ZNF229: variants seen among roughly 807,000 people sequenced by gnomAD.
ZNF229 encodes the protein zinc finger protein 229.
ZNF229 carries 10 observed loss-of-function variants against 11.8 expected under a neutral mutation model. That is an observed-to-expected ratio of 0.85 (90% CI 0.52 to 1.44). ZNF229 has a LOEUF of 1.44. ZNF229 is among the 40% of genes most tolerant of loss of function. ZNF229 has a pLI of 0.00. For synonymous variants in ZNF229, 368 were observed against 374.8 expected, an observed-to-expected ratio of 0.98 and a Z score of 0.21; for missense variants, 1,045 against 1,015.1, an observed-to-expected ratio of 1.03 and a Z score of -0.40.
intron 4 of ZNF229, among the ~76,000 whole-genome samples, chr19:44,433,205 G>A (rs966005336): frequency 8.5e-5 from 13 of 152,054 alleles, no homozygotes; most frequent in African/African-American, 2.2e-4. Flanking sequence ...CTACAGGCAC[G>A]CACCACCACA....
Position 44,442,878 on chromosome 19 carries a change from C to G in ZNF229, c.-31G>C, listed in dbSNP as rs746561838. ...CTTCTGCTAGGTTCTCTGCGAGCAG[C>G]AGCAACTGTATTTATTCTCTGGTTT... On this transcript the variant is annotated 5_prime_UTR_variant, in exon 3 of 6. Transcript: ENST00000614049. 2.5e-6 allele frequency: 4 copies of G among 1,612,544 alleles called. No individual in the cohort carries two copies. The highest frequency in any genetic ancestry group is 1.7e-5 in the Admixed American group (1 of 59,866).
intron 4 of ZNF229, among the ~76,000 whole-genome samples, chr19:44,438,929 C>G (rs1971860463): frequency 6.6e-6 from 1 of 152,200 alleles, no homozygotes; most frequent in South Asian, 2.1e-4. Flanking sequence ...GTTCTGTGAG[C>G]TGCTCTAGCA....
intron 4 of ZNF229, among the ~76,000 whole-genome samples, chr19:44,434,912 T>C (rs1245809515): frequency 6.6e-6 from 1 of 152,064 alleles, no homozygotes; most frequent in South Asian, 2.1e-4. Flanking sequence ...AATTGAATCA[T>C]GGGGGGTGGG....
At chr19:44,433,814 TG>T (rs1971766515) in intron 4 of ZNF229, among the ~76,000 whole-genome samples, 1 of 152,152 alleles carries the variant, frequency 6.6e-6, no homozygotes, top group African/African-American at 2.4e-5. Context: ...TTGCCCAGGC[TG>T]GAGTGCAGTG....
At chr19:44,431,659 C>G in intron 5 of ZNF229, 1 of 611,724 alleles carries the variant, frequency 1.6e-6, no homozygotes, top group South Asian at 7.3e-5. Context: ...CCAACAGTAC[C>G]CACAGGCAAG....
At chr19:44,446,345 T>C (rs893642376) in intron 2 of ZNF229, among the ~76,000 whole-genome samples, 25 of 152,230 alleles carry the variant, frequency 1.6e-4, no homozygotes, top group African/African-American at 6.0e-4. Context: ...ATTGCAGCTC[T>C]AGTTTCTCAA....
At chr19:44,430,628 G>C in intron 5 of ZNF229, 86 bp from the exon 6 acceptor site, 1 of 1,289,116 alleles carries the variant, frequency 7.8e-7, no homozygotes, top group South Asian at 1.6e-5. Context: ...ACTAATAATA[G>C]CCTAGAGAAA....
Position 44,430,039 on chromosome 19 carries a change from CTT to C in ZNF229, c.740_741del (p.Lys247ArgfsTer4). 1 of 1,614,150 alleles carries C rather than the reference CTT, an allele frequency of 6.2e-7. No individual in the cohort carries two copies. The highest frequency in any genetic ancestry group is 8.5e-7 in the Non-Finnish European group (1 of 1,180,040). ...DKPCGCNKCR[K>X]DCIKNSVLHR... ...TGAAGTACAGAGTTTTTAATGCAGT[CTT>C]TTCTGCATTTATTGCAACCACACGG... is the stretch of plus-strand genomic sequence containing the variant. On this transcript the variant is annotated frameshift_variant, in exon 6 of 6. Transcript: ENST00000614049. LOFTEE classifies it low-confidence loss of function (END_TRUNC).
In ZNF229 at chr19:44,428,807, G is replaced by C; in HGVS notation, c.1974C>G (p.Cys658Trp). The C allele has an allele frequency of 6.2e-6, 10 of 1,613,256 alleles. No individual in the cohort carries two copies. The highest frequency in any genetic ancestry group is 7.6e-6 in the Non-Finnish European group (9 of 1,179,534). The change falls in exon 6 of 6, where the codon TGC (cysteine) becomes TGG (tryptophan). Residue 658 changes from cysteine to tryptophan, a missense_variant. Transcript: ENST00000614049. ...ACCTAAAGCCCTTTCCGCACTCTTG[G>C]CATCTGTAAGGTTTCTCGCCTGTGT... Reference protein sequence around the residue: ...RVHTGEKPYRCQECGKGFRCT... With the variant: ...RVHTGEKPYRWQECGKGFRCT...
chr19:44,429,696 G>A lies in ZNF229; in HGVS notation c.1085C>T (p.Ser362Leu), dbSNP rs367731023. The A allele has an allele frequency of 7.6e-5, 123 of 1,613,968 alleles. No homozygotes were observed. Among genetic ancestry groups the A allele is most frequent in the African/African-American group, 2.8e-4 (21 of 74,836 alleles). Residue 362 changes from serine to leucine, a missense_variant, in exon 6 of 6, where the codon TCG becomes TTG. By Grantham distance (145) the Ser-to-Leu change is moderately radical (BLOSUM62 -2). Coordinates refer to ENST00000614049, the MANE Select transcript of ZNF229 (RefSeq NM_014518.4). ...CACCCCTTGATGAATAAGAAGAACC[G>A]ATTTATACCTGAACCCCTTTCCACA... ...DVCGKGFRYK[S>L]VLLIHQGVHT...
intron 4 of ZNF229, among the ~76,000 whole-genome samples, chr19:44,432,789 A>G (rs1971748970): frequency 6.6e-6 from 1 of 152,044 alleles, no homozygotes; most frequent in African/African-American, 2.4e-5. Context: ...ATGTATACAT[A>G]TGTAACTAAC....
At chr19:44,430,754 T>C (rs1325796639) in intron 5 of ZNF229, among the ~76,000 whole-genome samples, 1 of 152,166 alleles carries the variant, frequency 6.6e-6, no homozygotes, top group Non-Finnish European at 1.5e-5. Flanking sequence ...CCAAACTATG[T>C]CTCATCATAG....
rs1228286646 is a variant in ZNF229, at chr19:44,430,090, G to C, written c.691C>G (p.His231Asp). Residue 231 changes from histidine to aspartate, a missense_variant, in exon 6 of 6, where the codon CAC (histidine) becomes GAC (aspartate). By Grantham distance (81) the His-to-Asp change is moderately conservative. Transcript: ENST00000614049. ...GGCTTGTCTATTTCAGGGAATCTGT[G>C]ATCAACATGACAAGATATCCAGCAA... is the stretch of plus-strand genomic sequence containing the variant. ...SFCWISCHVD[H>D]RFPEIDKPCG... 1 of 1,614,084 alleles carries C rather than the reference G, an allele frequency of 6.2e-7. No individual in the cohort carries two copies. The highest frequency in any genetic ancestry group is 1.1e-5 in the South Asian group (1 of 91,070).
intron 2 of ZNF229, among the ~76,000 whole-genome samples, chr19:44,445,253 A>G (rs1415375856): frequency 6.6e-6 from 1 of 152,012 alleles, no homozygotes; most frequent in Non-Finnish European, 1.5e-5. Context: ...CAGCCCCCTA[A>G]ATGGCCTCTG....
Position 44,428,328 on chromosome 19 carries a change from T to C in ZNF229, c.2453A>G (p.His818Arg). Residue 818 changes from histidine to arginine, a missense_variant, in exon 6 of 6, where the codon CAT becomes CGT. Physicochemically the swap from His to Arg is conservative, Grantham distance 29 (BLOSUM62 0). Coordinates refer to ENST00000614049, the MANE Select transcript of ZNF229 (RefSeq NM_014518.4). ...CTACTTATAAGGGTTCTCGCCTAAA[T>C]GCACTCTTTGGTGGTTCCGCAGACC... ...TSGLRNHQRV[H>R]LGENPYK 1.2e-6 allele frequency: 2 copies of C among 1,612,768 alleles called. No individual in the cohort carries two copies. Among genetic ancestry groups the C allele is most frequent in the East Asian group, 2.2e-5 (1 of 44,834 alleles).
At chr19:44,442,237 T>C (rs1490967709) in intron 4 of ZNF229, among the ~76,000 whole-genome samples, 1 of 152,196 alleles carries the variant, frequency 6.6e-6, no homozygotes, top group Non-Finnish European at 1.5e-5. Flanking sequence ...GCAGCGATGA[T>C]TCAGTATTTG....
intron 5 of ZNF229, chr19:44,431,721 C>T (rs1971725615): frequency 2.0e-6 from 2 of 985,054 alleles, no homozygotes; most frequent in Non-Finnish European, 1.2e-6. Flanking sequence ...TCTCACTGCC[C>T]AGCAAGGCTC....
chr19:44,437,163 A>G (rs1971829566), intron 4 of ZNF229, among the ~76,000 whole-genome samples: 1 of 152,130 alleles, frequency 6.6e-6, no homozygotes, highest in African/African-American at 2.4e-5. Flanking sequence ...CTGATGAGAA[A>G]AACATTTTTA....
rs1301575418 is a variant in ZNF229 at position 44,429,250 on chromosome 19, G to A, written c.1531C>T (p.His511Tyr). 1 of 1,614,034 alleles carries A rather than the reference G, an allele frequency of 6.2e-7. No individual in the cohort carries two copies. ...CATTTGTACAGATGCTGCCCCATGT[G>A]AACTCTCTGGTGAGCTTGAAGGTAC... Reference protein sequence around the residue: ...NSYLQAHQRVHMGQHLYKCNV... With the variant: ...NSYLQAHQRVYMGQHLYKCNV... Residue 511 changes from histidine (H) to tyrosine (Y), a missense_variant, in exon 6 of 6, where the codon CAC (histidine) becomes TAC (tyrosine). Physicochemically the swap from His to Tyr is moderately conservative, Grantham distance 83 (BLOSUM62 2). Coordinates refer to ENST00000614049, the MANE Select transcript of ZNF229 (RefSeq NM_014518.4).
Sources: allele counts gnomAD v4.1 joint callset (sites outside exome capture counted in the v4.1 genomes callset), GRCh38; gene constraint gnomAD v4.1.1; transcripts MANE v1.5; gene names NCBI Gene and HGNC (gene_info 2026-07-23, HGNC 2026-07-21).